STARD13: variants seen among roughly 807,000 people sequenced by gnomAD.
STARD13 encodes stAR-related lipid transfer protein 13.
STARD13 carries 62 observed loss-of-function variants against 106.4 expected under a neutral mutation model. The observed-to-expected ratio is 0.58, with a 90% confidence interval of 0.48 to 0.72. The LOEUF (loss-of-function observed/expected upper bound fraction) is 0.72, where lower values mean the gene tolerates loss of function less well. Ranked by LOEUF, STARD13 falls within the 30% of genes least tolerant of loss-of-function variation. STARD13 has a pLI of 0.00. For missense variants in STARD13, 1,387 were observed against 1,424.0 expected (o/e 0.97, Z 0.42); for synonymous variants, 565 against 553.0 (o/e 1.02, Z -0.31).
chr13:33,376,064 G>A, the STARD13 span, among the ~76,000 whole-genome samples: 1 of 151,926 alleles, frequency 6.6e-6, no homozygotes, highest in African/African-American at 2.4e-5. Flanking sequence ...TATTACTTAA[G>A]TATGGTTTGA....
At chr13:33,245,842 T>C (rs1889797533) in intron 1 of STARD13, among the ~76,000 whole-genome samples, 1 of 152,230 alleles carries the variant, frequency 6.6e-6, no homozygotes, top group African/African-American at 2.4e-5. Flanking sequence ...TTTTCTTTTC[T>C]TTCATTCTCC....
At chr13:33,397,584 T>A in the STARD13 span, among the ~76,000 whole-genome samples, 1 of 152,054 alleles carries the variant, frequency 6.6e-6, no homozygotes, top group Admixed American at 6.6e-5. Context: ...CTTCACAGAG[T>A]TTGACAGTTT....
the STARD13 span, among the ~76,000 whole-genome samples, chr13:33,615,149 T>A: frequency 6.6e-6 from 1 of 152,146 alleles, no homozygotes; most frequent in Admixed American, 6.5e-5. Context: ...AAGTGGGATG[T>A]CAGGGAACAA....
At chr13:33,624,449 G>A in the STARD13 span, among the ~76,000 whole-genome samples, 1 of 152,210 alleles carries the variant, frequency 6.6e-6, no homozygotes, top group Non-Finnish European at 1.5e-5. Flanking sequence ...CACCATCATG[G>A]TGCTGAAAAC....
At chr13:33,599,605 A>G in the STARD13 span, among the ~76,000 whole-genome samples, 253 of 152,222 alleles carry the variant, frequency 1.7e-3, 1 homozygote, top group African/African-American at 5.9e-3. Flanking sequence ...AACAGCAAAT[A>G]TTTTCCACAA....
chr13:33,590,538 T>C, the STARD13 span, among the ~76,000 whole-genome samples: 1 of 151,916 alleles, frequency 6.6e-6, no homozygotes, highest in African/African-American at 2.4e-5. Context: ...GATGAGTTCA[T>C]GTCCTTTGTA....
chr13:33,260,811 T>C (rs148207937), intron 1 of STARD13, among the ~76,000 whole-genome samples: 2 of 152,330 alleles, frequency 1.3e-5, no homozygotes, highest in African/African-American at 4.8e-5. Context: ...AAACAGGATT[T>C]TTTTCCCTTG....
intron 1 of STARD13, among the ~76,000 whole-genome samples, chr13:33,196,532 A>G (rs1350992175): frequency 6.6e-6 from 1 of 152,190 alleles, no homozygotes; most frequent in Non-Finnish European, 1.5e-5. Context: ...TGGCGATTGT[A>G]TAGTAGAGAG....
intron 11 of STARD13, 86 bp downstream of exon 11, chr13:33,110,600 C>T (rs565975484): frequency 8.7e-6 from 10 of 1,148,862 alleles, no homozygotes; most frequent in Admixed American, 5.1e-5. Context: ...CCTGTGGACA[C>T]AGCAGCTGTT....
At chr13:33,229,654 G>T (rs904236968) in intron 1 of STARD13, among the ~76,000 whole-genome samples, 1 of 152,158 alleles carries the variant, frequency 6.6e-6, no homozygotes, top group Non-Finnish European at 1.5e-5. Flanking sequence ...TTACAGAAAT[G>T]GCCTGTTTTT....
intron 1 of STARD13, chr13:33,185,998 G>A (rs1239845305): frequency 1.2e-6 from 2 of 1,614,166 alleles, no homozygotes; most frequent in African/African-American, 1.3e-5. Flanking sequence ...ACGTTTGCAT[G>A]GAGAACTGAG....
At chr13:33,627,710 C>T in the STARD13 span, among the ~76,000 whole-genome samples, 3 of 152,050 alleles carry the variant, frequency 2.0e-5, no homozygotes, top group Admixed American at 6.6e-5. Context: ...GGACATGGTC[C>T]AAAAGGTGGA....
intron 1 of STARD13, among the ~76,000 whole-genome samples, chr13:33,183,240 T>C (rs1373899472): frequency 1.3e-5 from 2 of 152,186 alleles, no homozygotes; most frequent in South Asian, 4.1e-4. Flanking sequence ...TATTTACTCT[T>C]TGTACCACTA....
At chr13:33,431,843 T>C in the STARD13 span, among the ~76,000 whole-genome samples, 102 of 152,208 alleles carry the variant, frequency 6.7e-4, no homozygotes, top group Non-Finnish European at 1.4e-3. Context: ...GAACATAAGT[T>C]GTTGTACCTT....
the STARD13 span, among the ~76,000 whole-genome samples, chr13:33,587,432 G>A: frequency 1.3e-5 from 2 of 152,204 alleles, no homozygotes; most frequent in African/African-American, 4.8e-5. Context: ...GAGAAACAGA[G>A]ACTCAGATTT....
chr13:33,437,916 C>T, the STARD13 span, among the ~76,000 whole-genome samples: 3 of 152,104 alleles, frequency 2.0e-5, no homozygotes, highest in East Asian at 1.9e-4. Context: ...GGTTAAACAG[C>T]GAAATATTCA....
chr13:33,146,862 C>G (rs1880613980), intron 3 of STARD13, among the ~76,000 whole-genome samples: 1 of 152,186 alleles, frequency 6.6e-6, no homozygotes, highest in Admixed American at 6.5e-5. Flanking sequence ...GCCCTTTTCC[C>G]CAGCTTTTCA....
Position 33,105,364 on chromosome 13 carries a change from T to A in STARD13, c.*229A>T. ...TTAATTTTAAGTAATATATATAAAGTTCTCATTTTAAAATTATATTAGTAG... is the reference window on the plus strand; with the variant it reads ...TTAATTTTAAGTAATATATATAAAGATCTCATTTTAAAATTATATTAGTAG... On this transcript the variant is annotated 3_prime_UTR_variant, in exon 14 of 14. Transcript: ENST00000336934. 2.0e-6 allele frequency: 1 copy of A among 496,996 alleles called. No individual in the cohort carries two copies. The highest frequency in any genetic ancestry group is 3.6e-6 in the Non-Finnish European group (1 of 277,676). The allele number at this position is 496,996 out of a possible 1,614,324, so 30.8% of individuals were successfully genotyped here.
chr13:33,192,239 G>A (rs188500382), intron 1 of STARD13, among the ~76,000 whole-genome samples: 1 of 152,316 alleles, frequency 6.6e-6, no homozygotes, highest in African/African-American at 2.4e-5. Flanking sequence ...TTACTAAACA[G>A]GGAATATGCT....
Sources: allele counts gnomAD v4.1 joint callset (sites outside exome capture counted in the v4.1 genomes callset), GRCh38; gene constraint gnomAD v4.1.1; transcripts MANE v1.5; gene names NCBI Gene and HGNC (gene_info 2026-07-23, HGNC 2026-07-21).